Variants in LZTS1 observed in about 807,000 individuals in gnomAD.
LZTS1 encodes the protein leucine zipper tumor suppressor 1, also known as leucine zipper putative tumor suppressor 1.
Under a neutral mutation model 45.8 loss-of-function variants are expected in LZTS1, and 31 were observed. The observed-to-expected ratio is 0.68, with a 90% CI of 0.51 to 0.91. LZTS1 has a LOEUF of 0.91. LZTS1 is among the 40% of genes least tolerant of loss of function. The probability of loss-of-function intolerance (pLI) is 0.00; values close to 1 mark genes in which losing one functional copy is unlikely to be tolerated. For synonymous variants in LZTS1, 359 were observed against 357.3 expected (o/e 1.00, Z -0.05); for missense variants, 821 against 788.9 (o/e 1.04, Z -0.49).
intron 1 of LZTS1, among the ~76,000 whole-genome samples, chr8:20,281,529 C>G (rs1800693215): frequency 6.6e-6 from 1 of 152,210 alleles, no homozygotes; most frequent in East Asian, 1.9e-4. Flanking sequence ...CAAGATCGCA[C>G]CATTGCACTC....
intron 1 of LZTS1, among the ~76,000 whole-genome samples, chr8:20,265,332 T>C (rs1800331391): frequency 6.6e-6 from 1 of 152,086 alleles, no homozygotes; most frequent in African/African-American, 2.4e-5. Context: ...AGGCATCGTG[T>C]TGACTGCAGA....
At chr8:20,271,688 C>T (rs1481239526) in intron 1 of LZTS1, among the ~76,000 whole-genome samples, 1 of 152,248 alleles carries the variant, frequency 6.6e-6, no homozygotes, top group African/African-American at 2.4e-5. Context: ...GCTGCTTCAC[C>T]AGTGCAGGGA....
In LZTS1 at chr8:20,250,095, T is replaced by C; in HGVS notation, c.1418A>G (p.Gln473Arg). 1 of 1,607,142 alleles carries C rather than the reference T, an allele frequency of 6.2e-7. No homozygotes were observed. The highest frequency in any genetic ancestry group is 2.2e-5 in the East Asian group (1 of 44,844). Residue 473 changes from glutamine to arginine, a missense_variant, in exon 4 of 4, where the codon CAG becomes CGG. Transcript: ENST00000381569. ...CTGGGCCCGCAGCTCCTGCAGCTCC[T>C]GCTCCAGCAGGTTCACCTTCTCCCG... ...LLREKVNLLE[Q>R]ELQELRAQAA... is the part of the protein sequence containing the mutation.
chr8:20,303,770 C>CTT lies in LZTS1; in HGVS notation c.-167_-166dup. 2.5e-6 allele frequency: 2 copies of CTT among 795,754 alleles called. No individual in the cohort carries two copies. Among genetic ancestry groups the CTT allele is most frequent in the East Asian group, 1.3e-4 (1 of 7,870 alleles). 49.3% of individuals were successfully genotyped at this position (795,754 alleles called of 1,614,324 possible). A position where few individuals can be genotyped will look rare whatever the true frequency, so the allele number is the denominator to read the frequency against. On this transcript the variant is annotated 5_prime_UTR_variant, in exon 1 of 4. Transcript: ENST00000381569. Reference sequence around the variant, plus strand: ...CCCTGCGCCTCGGGCGCACTTGAGACTTTTTTTTTTTCCCAGTGTTTCCCG... The same window carrying CTT: ...CCCTGCGCCTCGGGCGCACTTGAGACTTTTTTTTTTTTTCCCAGTGTTTCCCG...
chr8:20,253,663 C>T (rs1446640923), intron 2 of LZTS1, 78 bp from the exon 3 acceptor site: 9 of 1,180,810 alleles, frequency 7.6e-6, no homozygotes, highest in South Asian at 3.4e-5. Flanking sequence ...GCACGCGTGC[C>T]GACCTTGAGC....
rs191825212 is a variant in LZTS1 at position 20,249,023 on chromosome 8, C to T, written c.*699G>A. ...GCTGCTCAGCTCCCATTTGCAAGAA[C>T]CAGTAAACAGGGGCTGGGCCCCAGG... On this transcript the variant is annotated 3_prime_UTR_variant, in exon 4 of 4. Coordinates refer to ENST00000381569, the MANE Select transcript of LZTS1 (RefSeq NM_021020.5). 8.9e-4 allele frequency: 137 copies of T among 153,364 alleles called. 1 individual carries two copies. In the East Asian group the frequency reaches 0.015, roughly 17 times the overall value. The allele number at this position is 153,364 out of a possible 1,614,324, so 9.5% of individuals were successfully genotyped here. A position where few individuals can be genotyped will look rare whatever the true frequency, so the allele number is the denominator to read the frequency against.
Position 20,255,064 on chromosome 8 carries a change from C to T in LZTS1, c.118G>A (p.Gly40Arg), listed in dbSNP as rs887212256. The T allele has an allele frequency of 4.3e-6, 7 of 1,614,044 alleles. No homozygotes were observed. The highest frequency in any genetic ancestry group is 2.7e-5 in the African/African-American group (2 of 74,900). Residue 40 changes from glycine to arginine, a missense_variant, in exon 2 of 4, where the codon GGG becomes AGG. Physicochemically the swap from Gly to Arg is moderately radical, Grantham distance 125 (BLOSUM62 -2). Coordinates refer to ENST00000381569, the MANE Select transcript of LZTS1 (RefSeq NM_021020.5). ...HLKKLNRYSD[G>R]LLRFGFSQDS... is the part of the protein sequence containing the mutation. ...TGGGAGAAGCCAAACCTCAGCAGCCCGTCGGAATACCGGTTGAGCTTCTTG... is the reference window on the plus strand; with the variant it reads ...TGGGAGAAGCCAAACCTCAGCAGCCTGTCGGAATACCGGTTGAGCTTCTTG...
intron 1 of LZTS1, among the ~76,000 whole-genome samples, chr8:20,297,808 G>A (rs1175026878): frequency 6.6e-6 from 1 of 152,148 alleles, no homozygotes; most frequent in African/African-American, 2.4e-5. Context: ...AAAAACTGAG[G>A]AAGATTCGAA....
In LZTS1 at chr8:20,287,820, G is replaced by T. The variant is rs1800818308; in HGVS notation, c.-135+15920C>A. 2.0e-5 allele frequency among the ~76,000 whole-genome samples: 3 copies of T among 149,210 alleles called. No homozygotes were observed. In the South Asian group the frequency reaches 6.3e-4, roughly 31 times the overall value. On this transcript the variant is annotated intron_variant, in intron 1 of 3. Coordinates refer to ENST00000381569, the MANE Select transcript of LZTS1 (RefSeq NM_021020.5). ...ACATGCCTGTAATCCTAGCTACTTG[G>T]GGGGCTGAGGCAGGAGAATTGCTTG...
intron 1 of LZTS1, among the ~76,000 whole-genome samples, chr8:20,271,003 C>G (rs956209874): frequency 3.9e-5 from 6 of 152,064 alleles, no homozygotes; most frequent in African/African-American, 1.4e-4. Context: ...AGAGTTTAAC[C>G]TGGTCCCTCA....
At chr8:20,287,453 G>C (rs925782125) in intron 1 of LZTS1, among the ~76,000 whole-genome samples, 1 of 152,152 alleles carries the variant, frequency 6.6e-6, no homozygotes, top group Non-Finnish European at 1.5e-5. Context: ...TCGTTCTTTC[G>C]CTCCCACCCT....
At chr8:20,281,476 G>A (rs1054743588) in intron 1 of LZTS1, among the ~76,000 whole-genome samples, 3 of 152,194 alleles carry the variant, frequency 2.0e-5, no homozygotes, top group Non-Finnish European at 2.9e-5. Flanking sequence ...GGGAGGCCGA[G>A]GCAGGAGAAT....
At chr8:20,297,461 TTGCAG>T (rs1339048345) in intron 1 of LZTS1, among the ~76,000 whole-genome samples, 1 of 152,220 alleles carries the variant, frequency 6.6e-6, no homozygotes, top group Non-Finnish European at 1.5e-5. Flanking sequence ...TTAGCCTAGG[TTGCAG>T]TGCAGTGGTG....
chr8:20,255,301 G>A lies in LZTS1; in HGVS notation c.-120C>T, dbSNP rs1376416704. ...TCATAGCAAAGCCCTCACAGAGCCT[G>A]CGAGAGCCGTAGACCTGGAAGAAGA... On this transcript the variant is annotated 5_prime_UTR_variant, in exon 2 of 4. Coordinates refer to ENST00000381569, the MANE Select transcript of LZTS1 (RefSeq NM_021020.5). The A allele has an allele frequency of 1.4e-6, 2 of 1,447,856 alleles. No individual in the cohort carries two copies. The highest frequency in any genetic ancestry group is 1.4e-5 in the African/African-American group (1 of 70,186). 89.7% of individuals were successfully genotyped at this position (1,447,856 alleles called of 1,614,324 possible). A position where few individuals can be genotyped will look rare whatever the true frequency, so the allele number is the denominator to read the frequency against.
At chr8:20,303,288 G>A (rs1801113021) in intron 1 of LZTS1, among the ~76,000 whole-genome samples, 1 of 152,142 alleles carries the variant, frequency 6.6e-6, no homozygotes, top group South Asian at 2.1e-4. Context: ...CAGCTCATCT[G>A]CAAAGTTCCA....
chr8:20,277,627 C>G (rs1392600309), intron 1 of LZTS1, among the ~76,000 whole-genome samples: 2 of 152,164 alleles, frequency 1.3e-5, no homozygotes, highest in African/African-American at 4.8e-5. Context: ...GGGCCTTTAA[C>G]TGTGGATTTT....
chr8:20,283,206 G>C (rs1447652244), intron 1 of LZTS1, among the ~76,000 whole-genome samples: 1 of 152,192 alleles, frequency 6.6e-6, no homozygotes, highest in African/African-American at 2.4e-5. Context: ...CTGAATGTTT[G>C]TGTCCCCCAA....
At chr8:20,255,931 C>T (rs1015943111) in intron 1 of LZTS1, among the ~76,000 whole-genome samples, 154 of 151,364 alleles carry the variant, frequency 1.0e-3, no homozygotes, top group African/African-American at 3.6e-3. Context: ...AAAAATTAGC[C>T]GGGCGTAGTG....
intron 2 of LZTS1, 113 bp downstream of exon 2, chr8:20,254,723 GA>G (rs1800046111): frequency 3.6e-6 from 3 of 835,678 alleles, no homozygotes; most frequent in Admixed American, 2.9e-5. Flanking sequence ...CTCTGGTTTT[GA>G]GGAGTCTGAA....
Sources: allele counts gnomAD v4.1 joint callset (sites outside exome capture counted in the v4.1 genomes callset), GRCh38; gene constraint gnomAD v4.1.1; transcripts MANE v1.5; gene names NCBI Gene and HGNC (gene_info 2026-07-23, HGNC 2026-07-21).